CFAP65: variants seen among roughly 807,000 people sequenced by gnomAD.
CFAP65 encodes cilia and flagella associated protein 65.
CFAP65 carries 155 observed loss-of-function variants against 208.0 expected under a neutral mutation model. That is an observed-to-expected ratio of 0.75 (90% CI 0.65 to 0.85). The LOEUF is 0.85. CFAP65 is among the 40% of genes least tolerant of loss of function. The probability of loss-of-function intolerance (pLI) is 0.00; values close to 1 mark genes in which losing one functional copy is unlikely to be tolerated. For synonymous variants in CFAP65, 970 were observed against 986.3 expected (o/e 0.98, Z 0.31); for missense variants, 2,294 against 2,451.3 (o/e 0.94, Z 1.36).
intron 19 of CFAP65, among the ~76,000 whole-genome samples, chr2:219,020,180 G>A (rs58104064): frequency 0.12 from 17,992 of 151,636 alleles, 1,130 homozygotes; most frequent in East Asian, 0.23. Flanking sequence ...CCAGGCAACC[G>A]CTAATCTACT....
At chr2:219,036,860 T>C (rs1448914747) in intron 4 of CFAP65, among the ~76,000 whole-genome samples, 2 of 152,246 alleles carry the variant, frequency 1.3e-5, no homozygotes, top group Non-Finnish European at 2.9e-5. Context: ...GACACTGTGC[T>C]AGGTGCTGGG....
intron 5 of CFAP65, chr2:219,033,896 T>C (rs906036519): frequency 2.0e-5 from 3 of 152,102 alleles, no homozygotes; most frequent in African/African-American, 7.2e-5. Context: ...ACAAATAAAT[T>C]ATTAGAATAA....
rs561178674 is a variant in CFAP65 at position 219,003,832 on chromosome 2, A to G, written c.5555+120T>C. On this transcript the variant is annotated intron_variant, in intron 33 of 34. Coordinates refer to ENST00000341552, the MANE Select transcript of CFAP65 (RefSeq NM_194302.4). The surrounding 1 kb of genome is among the most constrained non-coding windows in gnomAD (Gnocchi z 4.4). ...CTTAAGCTACCAACATGACCTCACT[A>G]AGCACTGAATTAGGATGAGATGTGC... 1.6e-6 allele frequency: 2 copies of G among 1,236,060 alleles called. No homozygotes were observed. Among genetic ancestry groups the G allele is most frequent in the South Asian group, 1.4e-5 (1 of 69,514 alleles). The allele number at this position is 1,236,060 out of a possible 1,614,324, so 76.6% of individuals were successfully genotyped here.
chr2:219,036,728 G>A (rs1948388645), intron 4 of CFAP65, among the ~76,000 whole-genome samples: 1 of 152,178 alleles, frequency 6.6e-6, no homozygotes, highest in Admixed American at 6.5e-5. Context: ...ACAGGTGTGA[G>A]CCATCATGCC....
Position 219,004,861 on chromosome 2 carries a change from A to C in CFAP65, c.5052-406T>G, listed in dbSNP as rs1387029946. On this transcript the variant is annotated intron_variant, in intron 32 of 34. Coordinates refer to ENST00000341552, the MANE Select transcript of CFAP65 (RefSeq NM_194302.4). This position sits in a 1 kb window ranked among gnomAD's most constrained non-coding sequence, Gnocchi z 4.7. ...GGGGGACCGTGGTGGGATCTTGCAAAGAAGTTCTGTTTCTTTTTTTCTTTT... is the reference window on the plus strand; with the variant it reads ...GGGGGACCGTGGTGGGATCTTGCAACGAAGTTCTGTTTCTTTTTTTCTTTT... Among the ~76,000 whole-genome samples the C allele has an allele frequency of 6.6e-6, 1 of 151,120 alleles. No homozygotes were observed. Among genetic ancestry groups the C allele is most frequent in the Non-Finnish European group, 1.5e-5 (1 of 67,900 alleles).
rs1409867961 is a variant in CFAP65 at position 219,028,207 on chromosome 2, G to A, written c.1845C>T (p.Pro615=). The A allele has an allele frequency of 6.2e-6, 10 of 1,613,790 alleles. No homozygotes were observed. The highest frequency in any genetic ancestry group is 2.2e-5 in the East Asian group (1 of 44,872). ...AQDQNGALMI[P]IQDLEDMPAP... ...GCTGGGGAGGGCACTGTACCTGGAT[G>A]GGAATCATGAGAGCCCCGTTCTGGT... Residue 615 remains proline (P), a synonymous_variant, in exon 12 of 35, where the codon CCC becomes CCT. Coordinates refer to ENST00000341552, the MANE Select transcript of CFAP65 (RefSeq NM_194302.4).
intron 5 of CFAP65, chr2:219,034,977 T>A: frequency 4.8e-6 from 1 of 207,790 alleles, no homozygotes; most frequent in Non-Finnish European, 9.6e-6. Context: ...AGTGAACAGG[T>A]ACATGGCCCA....
chr2:219,021,857 T>C lies in CFAP65; in HGVS notation c.3053A>G (p.Asn1018Ser). Reference sequence around the variant, plus strand: ...GTAATAGAGGGTGCAGTTGCCGTCATTCAGGAGGACAAGGAACCTGGACTG... The same window carrying C: ...GTAATAGAGGGTGCAGTTGCCGTCACTCAGGAGGACAAGGAACCTGGACTG... ...SKQSRFLVLL[N>S]DGNCTLYYRL... is the part of the protein sequence containing the mutation. Residue 1018 changes from asparagine (N) to serine (S), a missense_variant, in exon 18 of 35, where the codon AAT (asparagine) becomes AGT (serine). This residue lies in a region of CFAP65 where 1,427 missense variants were observed against 1,438.7 expected (regional missense o/e 0.99). Transcript: ENST00000341552. The C allele has an allele frequency of 6.2e-7, 1 of 1,613,806 alleles. No homozygotes were observed. The highest frequency in any genetic ancestry group is 1.3e-5 in the African/African-American group (1 of 75,048).
At position 219,032,676 on chromosome 2, in the gene CFAP65, G is replaced by A; in HGVS notation, c.543-104C>T. On this transcript the variant is annotated intron_variant, in intron 5 of 34. Transcript: ENST00000341552. This position sits in a 1 kb window ranked among gnomAD's most constrained non-coding sequence, Gnocchi z 5.5. ...TGCAGCCAAGGGAGCTTGAGTCCCT[G>A]GGACCACAGAGAAAGCGATCAGGAG... The A allele has an allele frequency of 1.0e-6, 1 of 975,314 alleles. No homozygotes were observed. Among genetic ancestry groups the A allele is most frequent in the South Asian group, 1.6e-5 (1 of 63,218 alleles). 60.4% of individuals were successfully genotyped at this position (975,314 alleles called of 1,614,324 possible).
rs751099032 is a variant in CFAP65 at position 219,023,420 on chromosome 2, C to T, written c.2607G>A (p.Met869Ile). ...GCTGCAGTGGCTCCTCCCGGCTGTA[C>T]ATGCTCACCTCCTGGAGCCAGAGGA... ...ASPQYLKEVSMYSREEPLQLK... is the reference protein window; with the variant it reads ...ASPQYLKEVSIYSREEPLQLK... The change falls in exon 16 of 35, where the codon ATG becomes ATA. Residue 869 changes from methionine to isoleucine, a missense_variant. Physicochemically the swap from Met to Ile is conservative, Grantham distance 10. Around this residue, in one of 2 missense-constraint regions of CFAP65, gnomAD observed 1,427 missense variants for 1,438.7 expected, o/e 0.99. Coordinates refer to ENST00000341552, the MANE Select transcript of CFAP65 (RefSeq NM_194302.4). The T allele has an allele frequency of 2.5e-6, 4 of 1,574,684 alleles. No homozygotes were observed. Among genetic ancestry groups the T allele is most frequent in the Admixed American group, 1.9e-5 (1 of 52,372 alleles).
chr2:219,029,736 T>C, intron 10 of CFAP65, 68 bp from the exon 11 acceptor site: 1 of 1,565,354 alleles, frequency 6.4e-7, no homozygotes, highest in East Asian at 2.2e-5. Flanking sequence ...TGAAGGGAGG[T>C]GGTACTCTCA....
Position 219,003,134 on chromosome 2 carries a change from C to T in CFAP65, c.5693+1G>A. 3 of 1,543,770 alleles carry T rather than the reference C, an allele frequency of 1.9e-6. No homozygotes were observed. The highest frequency in any genetic ancestry group is 4.9e-5 in the East Asian group (2 of 40,726). On this transcript the variant is annotated splice_donor_variant, in intron 34 of 34. Coordinates refer to ENST00000341552, the MANE Select transcript of CFAP65 (RefSeq NM_194302.4). LOFTEE classifies it high-confidence loss of function. This position sits in a 1 kb window ranked among gnomAD's most constrained non-coding sequence, Gnocchi z 4.4. ...GCGGCCGCTGGTCCCGGCGCCCTTA[C>T]CTGGGCACGCAGAACGGCGGCAGGG...
Position 219,038,962 on chromosome 2 carries a change from AAG to A in CFAP65, c.85_86del (p.Leu29TyrfsTer18). On this transcript the variant is annotated frameshift_variant, in exon 3 of 35. Transcript: ENST00000341552. LOFTEE classifies it high-confidence loss of function. ...TCTTGCCTCTTAGGAGAAGAGGAAT[AAG>A]GGGGAAAGAAGAGGCAAATGAGACT... is the stretch of plus-strand genomic sequence containing the variant. ...PSVSFASSFP[L>X]IPLLLRGKSV... The A allele has an allele frequency of 6.2e-7, 1 of 1,613,894 alleles. No individual in the cohort carries two copies. The highest frequency in any genetic ancestry group is 8.5e-7 in the Non-Finnish European group (1 of 1,179,878).
Position 219,004,830 on chromosome 2 carries a change from C to CGG in CFAP65, c.5052-377_5052-376dup, listed in dbSNP as rs61376372. Among the ~76,000 whole-genome samples the CGG allele has an allele frequency of 5.4e-4, 13 of 24,164 alleles. No homozygotes were observed. The highest frequency in any genetic ancestry group is 1.4e-3 in the Non-Finnish European group (9 of 6,592). The allele number at this position is 24,164 out of a possible 152,430, so 15.9% of individuals were successfully genotyped here. A position where few individuals can be genotyped will look rare whatever the true frequency, so the allele number is the denominator to read the frequency against. On this transcript the variant is annotated intron_variant, in intron 32 of 34. Coordinates refer to ENST00000341552, the MANE Select transcript of CFAP65 (RefSeq NM_194302.4). The surrounding 1 kb of genome is among the most constrained non-coding windows in gnomAD (Gnocchi z 4.7). ...CCCCACTGTCCTGGGGTGGGGGGGC[C>CGG]GGGGGGGGGGACCGTGGTGGGATCT... is the stretch of plus-strand genomic sequence containing the variant.
At chr2:219,021,302 G>A in intron 18 of CFAP65, 22 bp from the exon 19 acceptor site, 1 of 1,546,484 alleles carries the variant, frequency 6.5e-7, no homozygotes, top group East Asian at 2.3e-5. Context: ...TGATGCCGGA[G>A]GGTCAGTGGG....
intron 24 of CFAP65, among the ~76,000 whole-genome samples, chr2:219,012,819 A>G (rs1946575533): frequency 6.6e-6 from 1 of 152,252 alleles, no homozygotes. Context: ...CATGCCCAGC[A>G]TTTAAAAAAT....
Position 219,030,203 on chromosome 2 carries a change from A to G in CFAP65, c.1167T>C (p.Asn389=), listed in dbSNP as rs200883718. ...GGGAAATTTCAATCCTGAAGGGGGC[A>G]TTTACCTGTGTGGCCAAGCAGAAGG... ...QIRLHNPSAV[N]APFRIEISPD... Residue 389 remains asparagine, a synonymous_variant, in exon 10 of 35, where the codon AAT becomes AAC. Coordinates refer to ENST00000341552, the MANE Select transcript of CFAP65 (RefSeq NM_194302.4). 7.4e-6 allele frequency: 12 copies of G among 1,614,020 alleles called. No homozygotes were observed. The African/African-American group carries it at 1.2e-4, about 16-fold the overall frequency.
intron 27 of CFAP65, 73 bp downstream of exon 27, chr2:219,009,869 A>G: frequency 7.7e-7 from 1 of 1,295,616 alleles, no homozygotes; most frequent in Non-Finnish European, 1.0e-6. Context: ...GTGGGGTGGT[A>G]TGGGATGGGG....
At position 219,021,166 on chromosome 2, in the gene CFAP65, AGAGAG is replaced by A; in HGVS notation, c.3240_3244del (p.Ser1081ProfsTer6). 6.3e-7 allele frequency: 1 copy of A among 1,575,306 alleles called. No homozygotes were observed. Among genetic ancestry groups the A allele is most frequent in the Non-Finnish European group, 8.6e-7 (1 of 1,160,278 alleles). On this transcript the variant is annotated frameshift_variant, in exon 19 of 35. Transcript: ENST00000341552. LOFTEE classifies it high-confidence loss of function. ...AGTCTAGGTACCTCTGTGGGAAAGG[AGAGAG>A]TAGGTGATGGTCCAGGAGTACTGGG...
Sources: allele counts gnomAD v4.1 joint callset (sites outside exome capture counted in the v4.1 genomes callset), GRCh38; gene constraint gnomAD v4.1.1; regional missense constraint gnomAD v4.1.1; non-coding constraint Gnocchi (gnomAD v3.1); transcripts MANE v1.5; gene names NCBI Gene and HGNC (gene_info 2026-07-23, HGNC 2026-07-21).